The following PCCB variants were observed in gnomAD, a reference collection of about 807,000 sequenced individuals.
PCCB encodes propionyl-CoA carboxylase beta chain, mitochondrial.
PCCB carries 43 observed loss-of-function variants against 60.7 expected under a neutral mutation model. The observed-to-expected ratio is 0.71, with a 90% confidence interval of 0.55 to 0.91. The LOEUF is 0.91. Ranked by LOEUF, PCCB falls within the 40% of genes least tolerant of loss-of-function variation. PCCB has a pLI of 0.00. For synonymous variants in PCCB, 276 were observed against 255.9 expected, an observed-to-expected ratio of 1.08 and a Z score of -0.75; for missense variants, 766 against 702.8, an observed-to-expected ratio of 1.09 and a Z score of -1.02.
In PCCB at chr3:136,250,705, A is replaced by G. The variant is rs547330460; in HGVS notation, c.183+147A>G. On this transcript the variant is annotated intron_variant, in intron 1 of 14. Coordinates refer to ENST00000251654, the MANE Select transcript of PCCB (RefSeq NM_000532.5). ...AAGGGTGTTCACCTTGAAAACCTGT[A>G]GCGTTTCTCGTGGAGGCGGGTATAA... The G allele has an allele frequency of 4.2e-5, 33 of 782,756 alleles. No individual in the cohort carries two copies. In the South Asian group the frequency reaches 5.7e-4, roughly 14 times the overall value. The allele number at this position is 782,756 out of a possible 1,614,324, so 48.5% of individuals were successfully genotyped here.
At chr3:136,306,349 T>C (rs1192603687) in intron 9 of PCCB, among the ~76,000 whole-genome samples, 1 of 121,694 alleles carries the variant, frequency 8.2e-6, no homozygotes, top group Non-Finnish European at 1.8e-5. Context: ...AAGTTAAAGC[T>C]GATTGAATTA....
rs1244978249 is a variant in PCCB at position 136,301,123 on chromosome 3, A to T, written c.966+12A>T. ...ACATCATACACTCTGTAAGTGCCACATCTGTTTGTCTTGCCTGTCCTAGTC... is the reference window on the plus strand; with the variant it reads ...ACATCATACACTCTGTAAGTGCCACTTCTGTTTGTCTTGCCTGTCCTAGTC... On this transcript the variant is annotated intron_variant, in intron 9 of 14. Transcript: ENST00000251654. 2 of 1,605,272 alleles carry T rather than the reference A, an allele frequency of 1.2e-6. No individual in the cohort carries two copies. Among genetic ancestry groups the T allele is most frequent in the Non-Finnish European group, 1.7e-6 (2 of 1,171,918 alleles).
intron 10 of PCCB, among the ~76,000 whole-genome samples, chr3:136,325,252 T>G (rs1935263148): frequency 6.6e-6 from 1 of 152,140 alleles, no homozygotes; most frequent in African/African-American, 2.4e-5. Flanking sequence ...CTCAAACTCC[T>G]GGGCTTAAGC....
intron 9 of PCCB, among the ~76,000 whole-genome samples, chr3:136,310,495 C>A (rs1174385856): frequency 6.6e-6 from 1 of 152,204 alleles, no homozygotes; most frequent in Non-Finnish European, 1.5e-5. Flanking sequence ...GCACTCTACC[C>A]TGGGTGACAG....
chr3:136,328,473 A>G (rs892807658), intron 13 of PCCB, among the ~76,000 whole-genome samples: 4 of 152,204 alleles, frequency 2.6e-5, no homozygotes, highest in South Asian at 2.1e-4. Flanking sequence ...ATGAGTGCAA[A>G]TGGAGATGGT....
chr3:136,315,499 C>A (rs1005530563), intron 9 of PCCB, among the ~76,000 whole-genome samples: 1 of 152,110 alleles, frequency 6.6e-6, no homozygotes, highest in Non-Finnish European at 1.5e-5. Context: ...TGCACTCCAT[C>A]CTGGGCAGCT....
chr3:136,280,095 C>T (rs1353892898), intron 5 of PCCB, among the ~76,000 whole-genome samples: 1 of 152,238 alleles, frequency 6.6e-6, no homozygotes, highest in Non-Finnish European at 1.5e-5. Context: ...AAGTACAACA[C>T]TACTTTTATA....
intron 5 of PCCB, among the ~76,000 whole-genome samples, chr3:136,279,483 A>G (rs1436132607): frequency 6.6e-6 from 1 of 152,026 alleles, no homozygotes; most frequent in African/African-American, 2.4e-5. Context: ...TGGGGATTAT[A>G]ATTAATATCT....
chr3:136,310,769 C>G lies in PCCB; in HGVS notation c.967-6172C>G, dbSNP rs80251991. On this transcript the variant is annotated intron_variant, in intron 9 of 14. Coordinates refer to ENST00000251654, the MANE Select transcript of PCCB (RefSeq NM_000532.5). ...TATCTGTGGCCTACTGGGATGTATT[C>G]TAGGAATGCAAGATTGGTTCTAGGA... 2.1e-3 allele frequency among the ~76,000 whole-genome samples: 323 copies of G among 152,064 alleles called. 1 individual carries two copies. Among genetic ancestry groups the G allele is most frequent in the East Asian group, 0.011 (57 of 5,182 alleles).
rs759299397 is a variant in PCCB, at chr3:136,316,973, G to A, written c.999G>A (p.Met333Ile). The A allele has an allele frequency of 8.1e-6, 13 of 1,613,824 alleles. No homozygotes were observed. Among genetic ancestry groups the A allele is most frequent in the Admixed American group, 1.7e-5 (1 of 59,996 alleles). The change falls in exon 10 of 15, where the codon ATG (methionine) becomes ATA (isoleucine). Residue 333 changes from methionine to isoleucine, a missense_variant. Physicochemically the swap from Met to Ile is conservative, Grantham distance 10. Coordinates refer to ENST00000251654, the MANE Select transcript of PCCB (RefSeq NM_000532.5). ...ATGAGCGTGAATTTTTTGAGATCATGCCCAATTATGCCAAGAACATCATTG... is the reference window on the plus strand; with the variant it reads ...ATGAGCGTGAATTTTTTGAGATCATACCCAATTATGCCAAGAACATCATTG... ...VVDEREFFEI[M>I]PNYAKNIIVG... is the part of the protein sequence containing the mutation.
intron 10 of PCCB, among the ~76,000 whole-genome samples, chr3:136,325,993 T>C (rs1374076757): frequency 1.3e-5 from 2 of 151,954 alleles, no homozygotes; most frequent in African/African-American, 4.8e-5. Flanking sequence ...TTTGTATTTT[T>C]AGTAGAGACA....
intron 6 of PCCB, among the ~76,000 whole-genome samples, chr3:136,292,866 TG>T (rs1212807720): frequency 6.6e-6 from 1 of 152,154 alleles, no homozygotes; most frequent in Non-Finnish European, 1.5e-5. Flanking sequence ...ATTGGAGGCC[TG>T]GAAGTAAGGG....
chr3:136,308,188 A>G (rs1332417489), intron 9 of PCCB, among the ~76,000 whole-genome samples: 1 of 151,966 alleles, frequency 6.6e-6, no homozygotes, highest in Non-Finnish European at 1.5e-5. Context: ...TGTGACACTA[A>G]TATTGAACAG....
intron 9 of PCCB, among the ~76,000 whole-genome samples, chr3:136,315,627 T>G (rs1345943052): frequency 6.6e-6 from 1 of 151,544 alleles, no homozygotes; most frequent in Non-Finnish European, 1.5e-5. Context: ...GGCCAAGAGT[T>G]TGAGACCAGC....
intron 9 of PCCB, among the ~76,000 whole-genome samples, chr3:136,312,800 TAAATA>T (rs1309993324): frequency 1.3e-5 from 2 of 152,068 alleles, no homozygotes; most frequent in African/African-American, 4.8e-5. Context: ...CAAAAAACTA[TAAATA>T]AAATCAAAAG....
At position 136,308,265 on chromosome 3, in the gene PCCB, A is replaced by T. The variant is rs1576346236; in HGVS notation, c.966+7154A>T. 2.2e-5 allele frequency among the ~76,000 whole-genome samples: 3 copies of T among 134,894 alleles called. No homozygotes were observed. In the South Asian group the frequency reaches 6.7e-4, roughly 30 times the overall value. The allele number at this position is 134,894 out of a possible 152,430, so 88.5% of individuals were successfully genotyped here. A position where few individuals can be genotyped will look rare whatever the true frequency, so the allele number is the denominator to read the frequency against. On this transcript the variant is annotated intron_variant, in intron 9 of 14. Transcript: ENST00000251654. Reference sequence around the variant, plus strand: ...TTTTTTTTTTTTGATATGGAGTCTCACTCTGTAACCCAGGCTGGAGTGCTG... The same window carrying T: ...TTTTTTTTTTTTGATATGGAGTCTCTCTCTGTAACCCAGGCTGGAGTGCTG...
rs768309097 is a variant in PCCB at position 136,293,852 on chromosome 3, A to G, written c.751A>G (p.Thr251Ala). 4.4e-6 allele frequency: 7 copies of G among 1,594,824 alleles called. No homozygotes were observed. Among genetic ancestry groups the G allele is most frequent in the African/African-American group, 2.7e-5 (2 of 74,454 alleles). Residue 251 changes from threonine to alanine, a missense_variant, in exon 7 of 15, where the codon ACC (threonine) becomes GCC (alanine). Coordinates refer to ENST00000251654, the MANE Select transcript of PCCB (RefSeq NM_000532.5). ...GGAGCTCGGTGGTGCCAAGACCCAC[A>G]CCACCATGTCAGGTGAGAGGCCTTG... ...QEELGGAKTH[T>A]TMSGVAHRAF...
At position 136,304,294 on chromosome 3, in the gene PCCB, A is replaced by G. The variant is rs747901696; in HGVS notation, c.966+3183A>G. 2.5e-4 allele frequency among the ~76,000 whole-genome samples: 30 copies of G among 119,954 alleles called. 9 individuals carry two copies. Among genetic ancestry groups the G allele is most frequent in the Non-Finnish European group, 4.4e-4 (24 of 54,038 alleles). 78.7% of individuals were successfully genotyped at this position (119,954 alleles called of 152,430 possible). On this transcript the variant is annotated intron_variant, in intron 9 of 14. Transcript: ENST00000251654. ...TTCAGCCTCCTGAGTAGCTGGGACT[A>G]TAGCTGCATGCCACCACATCTGGCT...
intron 5 of PCCB, among the ~76,000 whole-genome samples, chr3:136,281,233 TC>T (rs962929357): frequency 2.0e-5 from 3 of 152,160 alleles, no homozygotes; most frequent in Non-Finnish European, 4.4e-5. Context: ...TTTCTGTTCT[TC>T]TGAGATTCCT....
Sources: gnomAD v4.1 joint callset for allele counts (sites outside exome capture counted in the v4.1 genomes callset) on GRCh38, gnomAD v4.1.1 for gene constraint, MANE v1.5 for transcripts, NCBI Gene and HGNC (gene_info 2026-07-23, HGNC 2026-07-21) for gene names.